GNAI3: variants seen among roughly 807,000 people sequenced by gnomAD.
GNAI3 encodes the protein G protein subunit alpha i3.
In GNAI3, 12 loss-of-function variants were observed where a neutral mutation model predicts 41.8. The observed-to-expected ratio is 0.29, with a 90% CI of 0.18 to 0.47. The LOEUF (loss-of-function observed/expected upper bound fraction) is 0.47. GNAI3 is among the 20% of genes least tolerant of loss of function. The pLI, the probability that GNAI3 is intolerant of heterozygous loss-of-function variation, is 1.00. For synonymous variants in GNAI3, 132 were observed against 146.5 expected (o/e 0.90, Z 0.71); for missense variants, 360 against 429.6 (o/e 0.84, Z 1.43).
At position 109,596,604 on chromosome 1, in the gene GNAI3, T is replaced by G. The variant is rs950392277; in HGVS notation, c.*4282T>G. ...CCTGACCTCAAGTGATTTGCCTGCCTTGGCCTCCCAAAGTGCTGAGATTAC... is the reference window on the plus strand; with the variant it reads ...CCTGACCTCAAGTGATTTGCCTGCCGTGGCCTCCCAAAGTGCTGAGATTAC... On this transcript the variant is annotated 3_prime_UTR_variant, in exon 9 of 9. Transcript: ENST00000369851. 1.3e-5 allele frequency: 2 copies of G among 152,384 alleles called. No individual in the cohort carries two copies. Among genetic ancestry groups the G allele is most frequent in the African/African-American group, 4.8e-5 (2 of 41,464 alleles). The allele number at this position is 152,384 out of a possible 1,614,324, so 9.4% of individuals were successfully genotyped here.
At chr1:109,552,498 G>A (rs1648005231) in intron 1 of GNAI3, among the ~76,000 whole-genome samples, 1 of 152,018 alleles carries the variant, frequency 6.6e-6, no homozygotes, top group Non-Finnish European at 1.5e-5. Context: ...GGTCTCAAAT[G>A]CTTGGCCTCA....
intron 7 of GNAI3, among the ~76,000 whole-genome samples, chr1:109,590,823 C>G (rs1649155472): frequency 1.3e-5 from 2 of 152,126 alleles, no homozygotes; most frequent in African/African-American, 4.8e-5. Flanking sequence ...GCTGCGGCCC[C>G]CAAAGTGCAG....
Sources: gnomAD v4.1 joint callset for allele counts (sites outside exome capture counted in the v4.1 genomes callset) on GRCh38, gnomAD v4.1.1 for gene constraint, MANE v1.5 for transcripts, NCBI Gene and HGNC (gene_info 2026-07-23, HGNC 2026-07-21) for gene names.